CPXM2: variants seen among roughly 807,000 people sequenced by gnomAD.
The protein encoded by CPXM2 is inactive carboxypeptidase-like protein X2.
A neutral mutation model predicts 86.1 loss-of-function variants in CPXM2; 66 were observed. The ratio of observed to expected loss-of-function variants is 0.77; its 90% CI spans 0.63 to 0.94. CPXM2 has a LOEUF of 0.94. Among genes scored for constraint, CPXM2 ranks in the 40% least tolerant of loss-of-function variants. The probability of loss-of-function intolerance (pLI) is 0.00; values close to 1 mark genes in which losing one functional copy is unlikely to be tolerated. For missense variants in CPXM2, 948 were observed against 1,026.3 expected (o/e 0.92, Z 1.04); for synonymous variants, 388 against 400.2 (o/e 0.97, Z 0.36).
chr10:123,923,064 G>A (rs1464691507), intron 2 of CPXM2, among the ~76,000 whole-genome samples: 2 of 152,106 alleles, frequency 1.3e-5, no homozygotes, highest in African/African-American at 2.4e-5. Context: ...TCCTGGTTCA[G>A]GGGGAAAAGG....
At chr10:123,791,925 G>A (rs1432399772) in intron 6 of CPXM2, among the ~76,000 whole-genome samples, 1 of 152,220 alleles carries the variant, frequency 6.6e-6, no homozygotes, top group Non-Finnish European at 1.5e-5. Context: ...TGAGCAGTGG[G>A]CTTCTTGCTG....
chr10:123,761,231 G>A (rs114578053), intron 11 of CPXM2, among the ~76,000 whole-genome samples: 4,421 of 152,292 alleles, frequency 0.029, 197 homozygotes, highest in African/African-American at 0.099. Context: ...GGCGTTGACC[G>A]CAGGCTGTGG....
At chr10:123,924,555 T>G (rs1340030554) in intron 2 of CPXM2, among the ~76,000 whole-genome samples, 4 of 152,132 alleles carry the variant, frequency 2.6e-5, no homozygotes, top group Non-Finnish European at 5.9e-5. Context: ...CTCACGGAGG[T>G]GGGGTGCACC....
upstream of CPXM2, among the ~76,000 whole-genome samples, chr10:123,894,394 C>G (rs1418166067): frequency 2.0e-5 from 3 of 152,152 alleles, no homozygotes; most frequent in Non-Finnish European, 2.9e-5. Flanking sequence ...TGTTTGTTTT[C>G]CCTGGAGAGA....
chr10:123,824,922 T>C (rs1346346989), intron 4 of CPXM2, among the ~76,000 whole-genome samples: 2 of 152,178 alleles, frequency 1.3e-5, no homozygotes, highest in African/African-American at 4.8e-5. Context: ...CCACTTCCAG[T>C]GGGAAGGCAA....
At chr10:123,886,932 C>T (rs1945185640) in intron 1 of CPXM2, 1 of 152,172 alleles carries the variant, frequency 6.6e-6, no homozygotes, top group African/African-American at 2.4e-5. Context: ...TAAGACACCC[C>T]CAAATCCACT....
intron 3 of CPXM2, among the ~76,000 whole-genome samples, chr10:123,846,943 C>T (rs1007041927): frequency 6.6e-6 from 1 of 151,944 alleles, no homozygotes; most frequent in African/African-American, 2.4e-5. Context: ...TACAAGCAGG[C>T]CCAGGAAAAC....
intron 7 of CPXM2, among the ~76,000 whole-genome samples, chr10:123,774,337 A>T (rs1846729539): frequency 6.6e-6 from 1 of 152,244 alleles, no homozygotes; most frequent in Non-Finnish European, 1.5e-5. Flanking sequence ...AGCTGCCAAA[A>T]AATCGGATCA....
chr10:123,832,464 G>A (rs1178108743), intron 4 of CPXM2, among the ~76,000 whole-genome samples: 1 of 152,168 alleles, frequency 6.6e-6, no homozygotes, highest in African/African-American at 2.4e-5. Context: ...CAAAGTAGGT[G>A]CTGTGGTTGA....
intron 2 of CPXM2, among the ~76,000 whole-genome samples, chr10:123,900,226 G>T (rs544784412): frequency 1.3e-5 from 2 of 152,250 alleles, no homozygotes; most frequent in Non-Finnish European, 2.9e-5. Flanking sequence ...ATTTTTAGTA[G>T]GGAAGGGGTT....
intron 4 of CPXM2, among the ~76,000 whole-genome samples, chr10:123,833,217 A>G (rs866478669): frequency 6.6e-6 from 1 of 152,216 alleles, no homozygotes; most frequent in Admixed American, 6.5e-5. Context: ...GAGAGAAGAA[A>G]GGAACCCATG....
chr10:123,789,893 C>T (rs370762107), intron 6 of CPXM2, among the ~76,000 whole-genome samples: 89 of 152,054 alleles, frequency 5.9e-4, no homozygotes, highest in South Asian at 2.1e-3. Flanking sequence ...CCGAGGCAGG[C>T]GGATCACGAG....
intron 13 of CPXM2, chr10:123,750,965 G>A (rs1274823377): frequency 2.8e-5 from 28 of 985,352 alleles, no homozygotes; most frequent in Non-Finnish European, 3.3e-5. Context: ...AGGAGATGCA[G>A]TGTTGGGCTG....
At chr10:123,864,768 T>C (rs1848941015) in intron 2 of CPXM2, among the ~76,000 whole-genome samples, 1 of 152,146 alleles carries the variant, frequency 6.6e-6, no homozygotes, top group South Asian at 2.1e-4. Context: ...AAACATTTCT[T>C]CCAGAAAAAG....
At chr10:123,894,547 G>T (rs1945318731), upstream of CPXM2, among the ~76,000 whole-genome samples, 3 of 152,168 alleles carry the variant, frequency 2.0e-5, no homozygotes, top group Non-Finnish European at 4.4e-5. Context: ...GCCCGTCCTG[G>T]AAAGGTGCAA....
intron 2 of CPXM2, among the ~76,000 whole-genome samples, chr10:123,921,900 T>C (rs1441000552): frequency 2.0e-5 from 3 of 152,214 alleles, no homozygotes; most frequent in Non-Finnish European, 2.9e-5. Flanking sequence ...AAGGGATAGC[T>C]GAGGTATGAA....
intron 13 of CPXM2, chr10:123,751,671 T>G: frequency 5.1e-6 from 5 of 985,392 alleles, no homozygotes; most frequent in Non-Finnish European, 6.0e-6. Flanking sequence ...GGAATTCCAT[T>G]TAATACCCCT....
At chr10:123,923,177 A>G (rs190605927) in intron 2 of CPXM2, among the ~76,000 whole-genome samples, 6 of 151,978 alleles carry the variant, frequency 3.9e-5, no homozygotes, top group African/African-American at 1.2e-4. Flanking sequence ...CAAAAAGTTG[A>G]TGTCGTGGAA....
intron 3 of CPXM2, among the ~76,000 whole-genome samples, 177 bp from the exon 4 acceptor site, chr10:123,842,665 G>T (rs1564793997): frequency 6.6e-6 from 1 of 152,176 alleles, no homozygotes; most frequent in Non-Finnish European, 1.5e-5. Context: ...AAAGGGAGTT[G>T]CTTAGTATCC....
Sources: gnomAD v4.1 joint callset for allele counts (sites outside exome capture counted in the v4.1 genomes callset) on GRCh38, gnomAD v4.1.1 for gene constraint, MANE v1.5 for transcripts, NCBI Gene and HGNC (gene_info 2026-07-23, HGNC 2026-07-21) for gene names.